USP25: variants seen among roughly 807,000 people sequenced by gnomAD.
The protein encoded by USP25 is ubiquitin carboxyl-terminal hydrolase 25.
In USP25, 85 loss-of-function variants were observed where a neutral mutation model predicts 158.5. The observed-to-expected ratio is 0.54, with a 90% CI of 0.45 to 0.64. The LOEUF (loss-of-function observed/expected upper bound fraction) is 0.64. USP25 is among the 30% of genes least tolerant of loss of function. The pLI, the probability that USP25 is intolerant of heterozygous loss-of-function variation, is 0.00. For missense variants in USP25, 1,242 were observed against 1,327.3 expected (o/e 0.94, Z 1.00); for synonymous variants, 464 against 460.4 (o/e 1.01, Z -0.10).
intron 20 of USP25, among the ~76,000 whole-genome samples, chr21:15,853,236 T>C (rs915277547): frequency 1.3e-5 from 2 of 152,200 alleles, no homozygotes; most frequent in African/African-American, 4.8e-5. Context: ...GCTTAAAGTT[T>C]AGACAGTATC....
intron 1 of USP25, 66 bp from the exon 2 acceptor site, chr21:15,762,825 G>A (rs1490432662): frequency 9.0e-6 from 13 of 1,437,166 alleles, no homozygotes; most frequent in Non-Finnish European, 1.1e-5. Flanking sequence ...AAGGTGATTT[G>A]TTTTCTTTTC....
At chr21:15,863,519 T>C (rs2039521509) in intron 20 of USP25, among the ~76,000 whole-genome samples, 1 of 152,154 alleles carries the variant, frequency 6.6e-6, no homozygotes, top group Non-Finnish European at 1.5e-5. Context: ...ATTTGAGTAT[T>C]GTTGGGAGCT....
At chr21:15,778,142 A>G in intron 4 of USP25, 115 bp downstream of exon 4, 1 of 961,194 alleles carries the variant, frequency 1.0e-6, no homozygotes, top group Non-Finnish European at 1.4e-6. Context: ...CTAAACTAGT[A>G]ATATGCTTGT....
chr21:15,755,453 C>G (rs1487287424), intron 1 of USP25, among the ~76,000 whole-genome samples: 1 of 152,072 alleles, frequency 6.6e-6, no homozygotes, highest in Non-Finnish European at 1.5e-5. Context: ...ACTGAGTTTT[C>G]ATTTTTTATT....
rs73892547 is a variant in USP25 at position 15,826,047 on chromosome 21, A to C, written c.1305-157A>C. Among the ~76,000 whole-genome samples the C allele has an allele frequency of 9.2e-3, 1,400 of 152,212 alleles. 19 individuals carry two copies. Among genetic ancestry groups the C allele is most frequent in the African/African-American group, 0.031 (1,296 of 41,496 alleles). On this transcript the variant is annotated intron_variant, in intron 12 of 25. Transcript: ENST00000400183. This position sits in a 1 kb window ranked among gnomAD's most constrained non-coding sequence, Gnocchi z 4.8. ...TGGGGAACTTTTAATGTTTTTCTTA[A>C]GTGTATATTCAGTTTTACCATCTTC...
At chr21:15,731,404 G>T (rs572335292) in intron 1 of USP25, among the ~76,000 whole-genome samples, 1 of 152,206 alleles carries the variant, frequency 6.6e-6, no homozygotes, top group African/African-American at 2.4e-5. Context: ...AACCACCAGA[G>T]TTATGTTTGG....
At chr21:15,876,538 C>G (rs2040103664) in intron 24 of USP25, 1 of 166,582 alleles carries the variant, frequency 6.0e-6, no homozygotes, top group Non-Finnish European at 1.3e-5. Context: ...GGACCTTCAT[C>G]ACATGGTGGC....
chr21:15,826,103 G>A lies in USP25; in HGVS notation c.1305-101G>A. The A allele has an allele frequency of 2.5e-6, 3 of 1,213,490 alleles. No homozygotes were observed. The highest frequency in any genetic ancestry group is 3.4e-6 in the Non-Finnish European group (3 of 875,064). 75.2% of individuals were successfully genotyped at this position (1,213,490 alleles called of 1,614,324 possible). ...AAAGCAAATGAATTTTATTGCTGAG[G>A]AAGTTTTATTGAAGTATCGTATCAC... On this transcript the variant is annotated intron_variant, in intron 12 of 25. Transcript: ENST00000400183. This position sits in a 1 kb window ranked among gnomAD's most constrained non-coding sequence, Gnocchi z 4.8.
chr21:15,823,635 T>A (rs780247397), intron 10 of USP25, among the ~76,000 whole-genome samples: 62 of 152,254 alleles, frequency 4.1e-4, no homozygotes, highest in Non-Finnish European at 6.9e-4. Flanking sequence ...CTCCCTCTCA[T>A]AAGTTATTTT....
chr21:15,769,855 G>A (rs1255657299), intron 3 of USP25, among the ~76,000 whole-genome samples: 1 of 152,078 alleles, frequency 6.6e-6, no homozygotes, highest in Non-Finnish European at 1.5e-5. Flanking sequence ...GATTTGGGTA[G>A]GTAATTTTAA....
At chr21:15,851,806 C>A (rs926229113) in intron 20 of USP25, among the ~76,000 whole-genome samples, 16 of 151,910 alleles carry the variant, frequency 1.1e-4, no homozygotes, top group African/African-American at 3.9e-4. Context: ...ATGACCTGCC[C>A]CAATCTGTAT....
intron 20 of USP25, 85 bp from the exon 21 acceptor site, chr21:15,864,183 C>G (rs1174400113): frequency 1.5e-6 from 2 of 1,304,162 alleles, no homozygotes; most frequent in African/African-American, 3.1e-5. Flanking sequence ...GATTTAAATG[C>G]AAGAAGAATT....
intron 19 of USP25, among the ~76,000 whole-genome samples, chr21:15,848,773 A>AT (rs1458170444): frequency 6.6e-6 from 1 of 152,140 alleles, no homozygotes; most frequent in Non-Finnish European, 1.5e-5. Flanking sequence ...GATTTGTGAG[A>AT]TAAACTGGTC....
intron 1 of USP25, among the ~76,000 whole-genome samples, chr21:15,738,627 C>A (rs758186805): frequency 2.4e-4 from 36 of 152,220 alleles, no homozygotes; most frequent in Admixed American, 5.2e-4. Context: ...GTTTCTAATA[C>A]CTTTTCCAGA....
chr21:15,846,162 T>A (rs1300399856), intron 18 of USP25, among the ~76,000 whole-genome samples: 9 of 114,922 alleles, frequency 7.8e-5, no homozygotes, highest in Admixed American at 1.8e-4. Context: ...ATATATATTT[T>A]TTTTTTTTTT....
intron 17 of USP25, among the ~76,000 whole-genome samples, chr21:15,838,186 C>T (rs2038150410): frequency 6.6e-6 from 1 of 151,660 alleles, no homozygotes. Flanking sequence ...ACCTCAGCCT[C>T]CCAAAGTGCT....
intron 10 of USP25, 89 bp downstream of exon 10, chr21:15,818,935 C>A: frequency 1.4e-6 from 2 of 1,404,266 alleles, no homozygotes; most frequent in Non-Finnish European, 1.9e-6. Flanking sequence ...TATAGAGCTA[C>A]CTAATAATTG....
In USP25 at chr21:15,791,607, A is replaced by T. The variant is rs766315942; in HGVS notation, c.498A>T (p.Lys166Asn). The T allele has an allele frequency of 1.9e-6, 3 of 1,611,380 alleles. No homozygotes were observed. The highest frequency in any genetic ancestry group is 4.5e-5 in the East Asian group (2 of 44,768). Residue 166 changes from lysine to asparagine, a missense_variant, in exon 5 of 26, where the codon AAA (lysine) becomes AAT (asparagine). Physicochemically the swap from Lys to Asn is moderately conservative, Grantham distance 94. Coordinates refer to ENST00000400183, the MANE Select transcript of USP25 (RefSeq NM_001283041.3). ...CTTATGATAGAAAAAGACAGGACAA[A>T]GCTCCCGTTGGGCTAAAGAATGTTG... is the stretch of plus-strand genomic sequence containing the variant. ...RNPYDRKRQD[K>N]APVGLKNVGN... is the part of the protein sequence containing the mutation.
Position 15,870,148 on chromosome 21 carries a change from G to T in USP25, c.2885+1G>T. On this transcript the variant is annotated splice_donor_variant, in intron 23 of 25. Coordinates refer to ENST00000400183, the MANE Select transcript of USP25 (RefSeq NM_001283041.3). LOFTEE classifies it high-confidence loss of function. Reference sequence around the variant, plus strand: ...GGCTAGAAAATTTTCAAAGAGAAAGGTAAGGCAAAGTGGACAAATATGAAA... The same window carrying T: ...GGCTAGAAAATTTTCAAAGAGAAAGTTAAGGCAAAGTGGACAAATATGAAA... 6.2e-7 allele frequency: 1 copy of T among 1,601,284 alleles called. No individual in the cohort carries two copies. Among genetic ancestry groups the T allele is most frequent in the Non-Finnish European group, 8.5e-7 (1 of 1,173,046 alleles).
Sources: allele counts gnomAD v4.1 joint callset (sites outside exome capture counted in the v4.1 genomes callset), GRCh38; gene constraint gnomAD v4.1.1; non-coding constraint Gnocchi (gnomAD v3.1); transcripts MANE v1.5; gene names NCBI Gene and HGNC (gene_info 2026-07-23, HGNC 2026-07-21).